The following KDM1B variants were observed in gnomAD, a reference collection of about 807,000 sequenced individuals.
KDM1B encodes lysine demethylase 1B.
Under a neutral mutation model 107.4 loss-of-function variants are expected in KDM1B, and 63 were observed. The observed-to-expected ratio is 0.59, with a 90% CI of 0.48 to 0.72. The LOEUF is 0.72. Among genes scored for constraint, KDM1B ranks in the 30% least tolerant of loss-of-function variants. KDM1B has a pLI of 0.00. For missense variants in KDM1B, 749 were observed against 1,020.8 expected (o/e 0.73, Z 3.63); for synonymous variants, 363 against 363.9 (o/e 1.00, Z 0.03).
At chr6:18,167,864 G>A (rs1236217020) in intron 6 of KDM1B, among the ~76,000 whole-genome samples, 1 of 152,068 alleles carries the variant, frequency 6.6e-6, no homozygotes, top group Non-Finnish European at 1.5e-5. Context: ...CCAGGCTCAA[G>A]TGATCCTCCC....
intron 15 of KDM1B, 63 bp from the exon 16 acceptor site, chr6:18,207,335 T>G: frequency 6.3e-7 from 1 of 1,587,128 alleles, no homozygotes; most frequent in East Asian, 2.3e-5. Context: ...CTCCTCATAT[T>G]GGCTCTCAGG....
In KDM1B at chr6:18,161,394, A is replaced by C; in HGVS notation, c.155A>C (p.Lys52Thr). ...EDGGSEKKYR[K>T]CEKAGCTATC... ...GGTGGCTCAGAGAAGAAGTACAGGA[A>C]ATGTGAAAAGGCAGGCTGTACGGCA... Residue 52 changes from lysine (K) to threonine (T), a missense_variant, in exon 4 of 22, where the codon AAA (lysine) becomes ACA (threonine). Coordinates refer to ENST00000650836, the MANE Select transcript of KDM1B (RefSeq NM_001364614.2). The C allele has an allele frequency of 6.2e-7, 1 of 1,614,020 alleles. No individual in the cohort carries two copies. Among genetic ancestry groups the C allele is most frequent in the South Asian group, 1.1e-5 (1 of 91,082 alleles).
chr6:18,218,080 C>G (rs1789385936), intron 21 of KDM1B, among the ~76,000 whole-genome samples, 195 bp downstream of exon 21: 1 of 152,094 alleles, frequency 6.6e-6, no homozygotes, highest in Admixed American at 6.6e-5. Flanking sequence ...TCCTTCTGGA[C>G]TTCACTTCAT....
chr6:18,159,745 A>G lies in KDM1B; in HGVS notation c.-13-138A>G, dbSNP rs1784848071. ...CAACATGGCAAGAATGTCTCAAAAG[A>G]AAAGAAAGAAAACTGTAGCTTTGTA... On this transcript the variant is annotated intron_variant, in intron 2 of 21. Transcript: ENST00000650836. This position sits in a 1 kb window ranked among gnomAD's most constrained non-coding sequence, Gnocchi z 4.5. 1.7e-6 allele frequency: 1 copy of G among 602,180 alleles called. No individual in the cohort carries two copies. The highest frequency in any genetic ancestry group is 1.9e-5 in the African/African-American group (1 of 51,642). The allele number at this position is 602,180 out of a possible 1,614,324, so 37.3% of individuals were successfully genotyped here.
chr6:18,193,109 C>A (rs1206142497), intron 10 of KDM1B, among the ~76,000 whole-genome samples: 1 of 148,884 alleles, frequency 6.7e-6, no homozygotes, highest in Admixed American at 6.8e-5. Context: ...GCAGGAGAAT[C>A]GCTTGAACCC....
chr6:18,218,032 T>C, intron 21 of KDM1B, 147 bp downstream of exon 21: 1 of 801,518 alleles, frequency 1.2e-6, no homozygotes, highest in Non-Finnish European at 1.9e-6. Flanking sequence ...CACCATCCTC[T>C]TGCTCCCAGA....
In KDM1B at chr6:18,200,378, A is replaced by C; in HGVS notation, c.1222-61A>C. 6.7e-7 allele frequency: 1 copy of C among 1,494,028 alleles called. No homozygotes were observed. Among genetic ancestry groups the C allele is most frequent in the Non-Finnish European group, 9.1e-7 (1 of 1,096,226 alleles). 92.5% of individuals were successfully genotyped at this position (1,494,028 alleles called of 1,614,324 possible). ...AACAGTGTCCTTCTACATTTTTATA[A>C]TACTGTGTCTGATATAACTCTTGTG... On this transcript the variant is annotated intron_variant, in intron 12 of 21. Transcript: ENST00000650836. The surrounding 1 kb of genome is among the most constrained non-coding windows in gnomAD (Gnocchi z 4.3).
rs1382025238 is a variant in KDM1B at position 18,209,569 on chromosome 6, C to T, written c.1866+1363C>T. On this transcript the variant is annotated intron_variant, in intron 17 of 21. Transcript: ENST00000650836. The surrounding 1 kb of genome is among the most constrained non-coding windows in gnomAD (Gnocchi z 4.3). ...CGCTTACAAAGAAAGGCTGGAAAGC[C>T]CCACCCTGATGCGTTCTTGTTGAAT... Among the ~76,000 whole-genome samples, 1 of 152,178 alleles carries T rather than the reference C, an allele frequency of 6.6e-6. No homozygotes were observed. Among genetic ancestry groups the T allele is most frequent in the Non-Finnish European group, 1.5e-5 (1 of 68,036 alleles).
At chr6:18,199,033 A>G (rs898395313) in intron 12 of KDM1B, among the ~76,000 whole-genome samples, 1 of 142,122 alleles carries the variant, frequency 7.0e-6, no homozygotes, top group African/African-American at 2.6e-5. Context: ...AAAAAAAAAA[A>G]GAAAAAAACA....
chr6:18,221,606 A>G (rs1159319807), intron 21 of KDM1B, among the ~76,000 whole-genome samples: 1 of 152,176 alleles, frequency 6.6e-6, no homozygotes, highest in East Asian at 1.9e-4. Context: ...TGTACCAGCT[A>G]CATTACTTGT....
intron 5 of KDM1B, among the ~76,000 whole-genome samples, chr6:18,165,629 C>T (rs1158941345): frequency 6.6e-6 from 1 of 152,060 alleles, no homozygotes; most frequent in Non-Finnish European, 1.5e-5. Flanking sequence ...TCGGGACCAG[C>T]CTGGCCAACA....
rs1177582855 is a variant in KDM1B, at chr6:18,186,003, TAAAAAA to T, written c.573+194_573+199del. Among the ~76,000 whole-genome samples the T allele has an allele frequency of 6.6e-6, 1 of 152,184 alleles. No individual in the cohort carries two copies. Among genetic ancestry groups the T allele is most frequent in the Non-Finnish European group, 1.5e-5 (1 of 68,028 alleles). Reference sequence around the variant, plus strand: ...ATTATGGGTAGTCCTGTCCCCAACTTAAAAAATAAAAATAAAGTTATGTTGCTTTTC... The same window carrying T: ...ATTATGGGTAGTCCTGTCCCCAACTTTAAAAATAAAGTTATGTTGCTTTTC... On this transcript the variant is annotated intron_variant, in intron 8 of 21. Transcript: ENST00000650836. This position sits in a 1 kb window ranked among gnomAD's most constrained non-coding sequence, Gnocchi z 5.6.
chr6:18,159,457 C>T lies in KDM1B; in HGVS notation c.-13-426C>T, dbSNP rs1784833586. Reference sequence around the variant, plus strand: ...TTGTATCTTTTAATGTGCATAACTACTAATAGGTAATGTTTATTGAGTACT... The same window carrying T: ...TTGTATCTTTTAATGTGCATAACTATTAATAGGTAATGTTTATTGAGTACT... On this transcript the variant is annotated intron_variant, in intron 2 of 21. Coordinates refer to ENST00000650836, the MANE Select transcript of KDM1B (RefSeq NM_001364614.2). This position sits in a 1 kb window ranked among gnomAD's most constrained non-coding sequence, Gnocchi z 4.5. Among the ~76,000 whole-genome samples, 1 of 152,172 alleles carries T rather than the reference C, an allele frequency of 6.6e-6. No individual in the cohort carries two copies. The highest frequency in any genetic ancestry group is 1.5e-5 in the Non-Finnish European group (1 of 68,032).
chr6:18,171,995 A>G (rs1785694231), intron 7 of KDM1B, among the ~76,000 whole-genome samples: 1 of 152,088 alleles, frequency 6.6e-6, no homozygotes, highest in Admixed American at 6.6e-5. Flanking sequence ...TTTTTTTGCT[A>G]GTTTTGGTTT....
chr6:18,206,011 A>G (rs535635756), intron 15 of KDM1B, among the ~76,000 whole-genome samples: 2 of 151,688 alleles, frequency 1.3e-5, no homozygotes, highest in African/African-American at 2.4e-5. Flanking sequence ...GTTTTTGTGT[A>G]TGTGTGTGTG....
In KDM1B at chr6:18,212,208, G is replaced by A. The variant is rs1582207915; in HGVS notation, c.1867-280G>A. On this transcript the variant is annotated intron_variant, in intron 17 of 21. Transcript: ENST00000650836. This position sits in a 1 kb window ranked among gnomAD's most constrained non-coding sequence, Gnocchi z 5.2. Reference sequence around the variant, plus strand: ...GATCCACCCGCCTCGGCCTCTCAAAGTGCTGGGATTACAGGCATGAGCCAC... The same window carrying A: ...GATCCACCCGCCTCGGCCTCTCAAAATGCTGGGATTACAGGCATGAGCCAC... The A allele has an allele frequency of 2.9e-6, 1 of 347,638 alleles. No individual in the cohort carries two copies. 21.5% of individuals were successfully genotyped at this position (347,638 alleles called of 1,614,324 possible).
chr6:18,212,412 G>T lies in KDM1B; in HGVS notation c.1867-76G>T. ...TTGTTCTTGCCAGTATAACAGCATGGGTTGTTGATACCAGTGTAGTGGTAG... is the reference window on the plus strand; with the variant it reads ...TTGTTCTTGCCAGTATAACAGCATGTGTTGTTGATACCAGTGTAGTGGTAG... On this transcript the variant is annotated intron_variant, in intron 17 of 21. Transcript: ENST00000650836. The surrounding 1 kb of genome is among the most constrained non-coding windows in gnomAD (Gnocchi z 5.2). 1 of 879,676 alleles carries T rather than the reference G, an allele frequency of 1.1e-6. No individual in the cohort carries two copies. Among genetic ancestry groups the T allele is most frequent in the Non-Finnish European group, 2.0e-6 (1 of 512,508 alleles). The allele number at this position is 879,676 out of a possible 1,614,324, so 54.5% of individuals were successfully genotyped here.
Position 18,204,114 on chromosome 6 carries a change from T to G in KDM1B, c.1532-1423T>G, listed in dbSNP as rs6902280. Among the ~76,000 whole-genome samples, 8,263 of 152,062 alleles carry G rather than the reference T, an allele frequency of 0.054. 655 individuals carry two copies. The highest frequency in any genetic ancestry group is 0.18 in the African/African-American group (7,302 of 41,458). On this transcript the variant is annotated intron_variant, in intron 14 of 21. Coordinates refer to ENST00000650836, the MANE Select transcript of KDM1B (RefSeq NM_001364614.2). The surrounding 1 kb of genome is among the most constrained non-coding windows in gnomAD (Gnocchi z 4.9). ...CAATCTAGTGCAAGAACTGAACATT[T>G]TGATGAAAGCCTTGAGCTGTTCTAA...
intron 7 of KDM1B, among the ~76,000 whole-genome samples, chr6:18,179,019 G>T (rs769643014): frequency 2.0e-5 from 3 of 152,172 alleles, no homozygotes; most frequent in African/African-American, 7.2e-5. Flanking sequence ...GTTCAGTATC[G>T]TCATATACAG....
Sources: allele counts gnomAD v4.1 joint callset (sites outside exome capture counted in the v4.1 genomes callset), GRCh38; gene constraint gnomAD v4.1.1; non-coding constraint Gnocchi (gnomAD v3.1); transcripts MANE v1.5; gene names NCBI Gene and HGNC (gene_info 2026-07-23, HGNC 2026-07-21).